CLDN10: variants seen among roughly 807,000 people sequenced by gnomAD.
CLDN10 encodes claudin 10, also known as claudin-10.
A neutral mutation model predicts 22.9 loss-of-function variants in CLDN10; 15 were observed. The observed-to-expected ratio is 0.65, with a 90% CI of 0.44 to 1.01. The LOEUF (loss-of-function observed/expected upper bound fraction) is 1.01. CLDN10 is among the 50% of genes least tolerant of loss of function. The pLI, the probability that CLDN10 is intolerant of heterozygous loss-of-function variation, is 0.00. For missense variants in CLDN10, 247 were observed against 287.8 expected (o/e 0.86, Z 1.03); for synonymous variants, 114 against 111.4 (o/e 1.02, Z -0.15).
chr13:95,479,072 C>A (rs1024805435), intron 1 of CLDN10, among the ~76,000 whole-genome samples: 1 of 152,196 alleles, frequency 6.6e-6, no homozygotes, highest in Non-Finnish European at 1.5e-5. Context: ...GGCCACCGGC[C>A]GGGTGCAGTG....
chr13:95,481,189 G>A (rs1210789513), intron 1 of CLDN10, among the ~76,000 whole-genome samples: 1 of 152,216 alleles, frequency 6.6e-6, no homozygotes, highest in African/African-American at 2.4e-5. Context: ...ATGGGGAAGA[G>A]TTTCCAGGAG....
Position 95,511,767 on chromosome 13 carries a change from C to CTTT in CLDN10, c.215-48346_215-48344dup, listed in dbSNP as rs71113940. On this transcript the variant is annotated intron_variant, in intron 1 of 4. Coordinates refer to the CLDN10 transcript ENST00000376873. ...TCATCTTAGGCAAAGATTCTCTCTC[C>CTTT]TTTTTTTTTTTTTTTTTTTTTGGTT... Among the ~76,000 whole-genome samples the CTTT allele has an allele frequency of 2.3e-4, 6 of 26,106 alleles. 1 individual carries two copies. Among genetic ancestry groups the CTTT allele is most frequent in the African/African-American group, 5.2e-4 (5 of 9,702 alleles). The allele number at this position is 26,106 out of a possible 152,430, so 17.1% of individuals were successfully genotyped here. A position where few individuals can be genotyped will look rare whatever the true frequency, so the allele number is the denominator to read the frequency against.
At chr13:95,477,881 C>T (rs568346303) in intron 1 of CLDN10, among the ~76,000 whole-genome samples, 40 of 152,124 alleles carry the variant, frequency 2.6e-4, no homozygotes, top group Non-Finnish European at 4.9e-4. Context: ...ACGTGTGGTT[C>T]GTTAGGGAGG....
chr13:95,516,038 C>T (rs1293355933), intron 1 of CLDN10, among the ~76,000 whole-genome samples: 3 of 151,168 alleles, frequency 2.0e-5, no homozygotes, highest in Admixed American at 6.6e-5. Flanking sequence ...TATACCACTG[C>T]ACTCCAGCCT....
At chr13:95,449,623 G>A (rs998657986) in intron 1 of CLDN10, among the ~76,000 whole-genome samples, 4 of 152,022 alleles carry the variant, frequency 2.6e-5, no homozygotes, top group Non-Finnish European at 5.9e-5. Context: ...CTGGCGTGCA[G>A]TGGTGTGATC....
chr13:95,511,350 C>T lies in CLDN10; in HGVS notation c.215-48782C>T, dbSNP rs140206086. ...ACAAAAAAGGAAAGAGAAAAAAACC[C>T]TAAATCCTTGTTCTGTTAGTAAACA... On this transcript the variant is annotated intron_variant, in intron 1 of 4. Transcript: ENST00000376873. Among the ~76,000 whole-genome samples, 34 of 152,072 alleles carry T rather than the reference C, an allele frequency of 2.2e-4. 1 individual carries two copies. In the East Asian group the frequency reaches 6.6e-3, roughly 30 times the overall value.
At chr13:95,551,788 G>T (rs1469833169), upstream of CLDN10, among the ~76,000 whole-genome samples, 1 of 152,170 alleles carries the variant, frequency 6.6e-6, no homozygotes. Flanking sequence ...GGAGCCAGAA[G>T]TACACCTTGA....
chr13:95,505,749 C>CTTTT lies in CLDN10; in HGVS notation c.215-54363_215-54360dup, dbSNP rs34828390. 8.8e-3 allele frequency among the ~76,000 whole-genome samples: 907 copies of CTTTT among 103,602 alleles called. 3 individuals carry two copies. Among genetic ancestry groups the CTTTT allele is most frequent in the Middle Eastern group, 0.015 (2 of 130 alleles). 68.0% of individuals were successfully genotyped at this position (103,602 alleles called of 152,430 possible). ...GGCTTGTGCCAAGACCCTTCCCTTT[C>CTTTT]TTTTTTTTTTTTTTTTTTTTTTTGA... On this transcript the variant is annotated intron_variant, in intron 1 of 4. Coordinates refer to the CLDN10 transcript ENST00000376873.
intron 1 of CLDN10, among the ~76,000 whole-genome samples, chr13:95,445,789 A>G (rs1326888039): frequency 2.6e-5 from 4 of 152,214 alleles, no homozygotes; most frequent in Admixed American, 6.5e-5. Flanking sequence ...GTCTAATACA[A>G]GAGGAAAATG....
intron 1 of CLDN10, among the ~76,000 whole-genome samples, chr13:95,467,825 G>A (rs566033754): frequency 2.0e-4 from 30 of 152,308 alleles, no homozygotes; most frequent in Admixed American, 3.9e-4. Context: ...CAGTCCACAG[G>A]CCAGCAGGCT....
At chr13:95,536,702 TA>T (rs2138616030) in intron 1 of CLDN10, among the ~76,000 whole-genome samples, 1 of 152,348 alleles carries the variant, frequency 6.6e-6, no homozygotes, top group South Asian at 2.1e-4. Flanking sequence ...CTAGTTCTGT[TA>T]ATACTGGCTT....
intron 3 of CLDN10, among the ~76,000 whole-genome samples, chr13:95,561,739 T>C (rs2043715055): frequency 1.3e-5 from 2 of 151,814 alleles, no homozygotes; most frequent in Admixed American, 1.3e-4. Context: ...CTACATGTAC[T>C]GTTCATCAAG....
chr13:95,464,657 G>A (rs1040529160), intron 1 of CLDN10, among the ~76,000 whole-genome samples: 3 of 152,088 alleles, frequency 2.0e-5, no homozygotes, highest in Non-Finnish European at 4.4e-5. Context: ...TATGGTCTTG[G>A]ATGTTGTTCA....
In CLDN10 at chr13:95,471,751, C is replaced by CT. The variant is rs1375349814; in HGVS notation, c.214+37712dup. 1.5e-3 allele frequency among the ~76,000 whole-genome samples: 230 copies of CT among 151,728 alleles called. 2 individuals are homozygous for CT. The highest frequency in any genetic ancestry group is 5.9e-4 in the Non-Finnish European group (40 of 67,870). On this transcript the variant is annotated intron_variant, in intron 1 of 4. Transcript: ENST00000376873. ...ACAGGCATGAGCCACTGCACCTAAC[C>CT]TTTTTTTTCTCTTTTAAACAGAGAC...
chr13:95,565,417 A>G (rs534012884), intron 3 of CLDN10, among the ~76,000 whole-genome samples: 2 of 152,254 alleles, frequency 1.3e-5, no homozygotes, highest in South Asian at 4.2e-4. Context: ...CTTTTTTTGT[A>G]TATGACATTT....
chr13:95,461,334 C>T (rs1014719310), intron 1 of CLDN10, among the ~76,000 whole-genome samples: 2 of 152,166 alleles, frequency 1.3e-5, no homozygotes, highest in African/African-American at 2.4e-5. Context: ...CATTCTATTG[C>T]TCTTTGATTT....
intron 1 of CLDN10, among the ~76,000 whole-genome samples, chr13:95,454,448 G>T (rs2042462927): frequency 6.6e-6 from 1 of 151,988 alleles, no homozygotes; most frequent in Admixed American, 6.6e-5. Context: ...AAGAGAGAGA[G>T]AGAGGAAGGA....
chr13:95,459,099 T>C (rs961813434), intron 1 of CLDN10, among the ~76,000 whole-genome samples: 1 of 152,244 alleles, frequency 6.6e-6, no homozygotes, highest in Non-Finnish European at 1.5e-5. Flanking sequence ...CAGGTCACAC[T>C]GATGCAAGAG....
At chr13:95,504,685 A>T (rs1033549278) in intron 1 of CLDN10, among the ~76,000 whole-genome samples, 1 of 151,988 alleles carries the variant, frequency 6.6e-6, no homozygotes, top group East Asian at 1.9e-4. Context: ...TGGCAATTTT[A>T]AAATATTTTT....
Sources: gnomAD v4.1 joint callset for allele counts (sites outside exome capture counted in the v4.1 genomes callset) on GRCh38, gnomAD v4.1.1 for gene constraint, MANE v1.5 for transcripts, NCBI Gene and HGNC (gene_info 2026-07-23, HGNC 2026-07-21) for gene names.